LIPC: variants seen among roughly 807,000 people sequenced by gnomAD.
The protein encoded by LIPC is hepatic triacylglycerol lipase.
Under a neutral mutation model 50.7 loss-of-function variants are expected in LIPC, and 44 were observed. The observed-to-expected ratio is 0.87, with a 90% CI of 0.68 to 1.11. The LOEUF (loss-of-function observed/expected upper bound fraction) is 1.11, where lower values mean the gene tolerates loss of function less well. Ranked by LOEUF, LIPC falls within the 50% of genes most tolerant of loss-of-function variation. The probability of loss-of-function intolerance (pLI) is 0.00; values close to 1 mark genes in which losing one functional copy is unlikely to be tolerated. For synonymous variants in LIPC, 271 were observed against 256.4 expected, an observed-to-expected ratio of 1.06 and a Z score of -0.54; for missense variants, 697 against 648.2, an observed-to-expected ratio of 1.08 and a Z score of -0.82.
chr15:58,435,601 G>C (rs1419876670), intron 1 of LIPC: 2 of 152,216 alleles, frequency 1.3e-5, no homozygotes, highest in Non-Finnish European at 2.9e-5. Flanking sequence ...TGATCTGCCT[G>C]TCATTATCAC....
intron 1 of LIPC, among the ~76,000 whole-genome samples, chr15:58,446,362 T>C (rs1238866909): frequency 2.0e-5 from 3 of 152,072 alleles, no homozygotes; most frequent in Non-Finnish European, 2.9e-5. Flanking sequence ...CTAAGGACAT[T>C]CTCCTACATA....
At chr15:58,550,184 C>T (rs1203570828) in intron 6 of LIPC, among the ~76,000 whole-genome samples, 1 of 152,118 alleles carries the variant, frequency 6.6e-6, no homozygotes, top group Non-Finnish European at 1.5e-5. Flanking sequence ...ACTCCTAAAC[C>T]TGCCGCTGGT....
At chr15:58,473,061 G>T (rs574767623) in intron 1 of LIPC, among the ~76,000 whole-genome samples, 1 of 152,286 alleles carries the variant, frequency 6.6e-6, no homozygotes, top group Admixed American at 6.5e-5. Context: ...TGGGGAGGGG[G>T]AGGACGGCAG....
intron 8 of LIPC, among the ~76,000 whole-genome samples, chr15:58,567,327 A>G (rs796123023): frequency 0.011 from 229 of 20,992 alleles, 4 homozygotes; most frequent in African/African-American, 0.031. Context: ...ATATGTGTAT[A>G]TATATATATA....
chr15:58,489,222 G>A lies in LIPC; in HGVS notation c.89-49111G>A, dbSNP rs936115910. 2.7e-4 allele frequency among the ~76,000 whole-genome samples: 25 copies of A among 93,102 alleles called. 7 individuals are homozygous for A. Among genetic ancestry groups the A allele is most frequent in the South Asian group, 1.7e-3 (5 of 2,902 alleles). 61.1% of individuals were successfully genotyped at this position (93,102 alleles called of 152,430 possible). On this transcript the variant is annotated intron_variant, in intron 1 of 8. Transcript: ENST00000299022. Reference sequence around the variant, plus strand: ...ATTAGGGATTCATTTTGTTGCGGGGGCGGGGGGGCGGCTTACAAGCTTCCC... The same window carrying A: ...ATTAGGGATTCATTTTGTTGCGGGGACGGGGGGGCGGCTTACAAGCTTCCC...
intron 1 of LIPC, among the ~76,000 whole-genome samples, chr15:58,525,902 A>T (rs1247560187): frequency 2.0e-5 from 3 of 152,226 alleles, no homozygotes; most frequent in African/African-American, 7.2e-5. Flanking sequence ...CACCAGGGCC[A>T]CCTTTATTCA....
intron 1 of LIPC, among the ~76,000 whole-genome samples, chr15:58,471,344 C>T (rs558201110): frequency 8.8e-5 from 12 of 136,584 alleles, no homozygotes; most frequent in Admixed American, 3.8e-4. Flanking sequence ...GGGGTGGTCT[C>T]ACCATGTTGG....
chr15:58,483,423 T>C (rs1385116654), intron 1 of LIPC, among the ~76,000 whole-genome samples: 1 of 152,202 alleles, frequency 6.6e-6, no homozygotes, highest in African/African-American at 2.4e-5. Context: ...CCCTGCAGTT[T>C]ACAAAGTGAT....
At chr15:58,493,480 TA>T (rs60152507) in intron 1 of LIPC, among the ~76,000 whole-genome samples, 29,714 of 146,772 alleles carry the variant, frequency 0.2, 4,044 homozygotes, top group South Asian at 0.28. Context: ...AATATATATA[TA>T]TTTTTTTGTG....
At chr15:58,538,012 G>A (rs1893192380) in intron 1 of LIPC, among the ~76,000 whole-genome samples, 1 of 152,122 alleles carries the variant, frequency 6.6e-6, no homozygotes. Context: ...TTTGGGGTGA[G>A]GTGCTTATCC....
rs566989535 is a variant in LIPC at position 58,482,019 on chromosome 15, G to T, written c.88+49899G>T. The stretch of plus-strand genomic sequence containing the variant: ...GGGAAAGAGCCTGGGGTCAGAAGCA[G>T]GAGGAGACTTGTCACTATATTCGGT... On this transcript the variant is annotated intron_variant, in intron 1 of 8. Coordinates refer to ENST00000299022, the MANE Select transcript of LIPC (RefSeq NM_000236.3). Among the ~76,000 whole-genome samples the T allele has an allele frequency of 5.3e-5, 8 of 152,322 alleles. 1 individual carries two copies. Among genetic ancestry groups the T allele is most frequent in the African/African-American group, 1.9e-4 (8 of 41,574 alleles).
chr15:58,492,927 T>G (rs1429956381), intron 1 of LIPC, among the ~76,000 whole-genome samples: 1 of 152,062 alleles, frequency 6.6e-6, no homozygotes, highest in African/African-American at 2.4e-5. Context: ...GAGCTTATTT[T>G]CCCCCGTATG....
At chr15:58,486,854 C>T (rs1891393983) in intron 1 of LIPC, among the ~76,000 whole-genome samples, 1 of 152,176 alleles carries the variant, frequency 6.6e-6, no homozygotes, top group African/African-American at 2.4e-5. Flanking sequence ...ACTATAGGTG[C>T]TTGGCAAACA....
rs776615269 is a variant in LIPC, at chr15:58,563,576, T to C, written c.1241T>C (p.Ile414Thr). ...ITLDVDIGEL[I>T]MIKFKWENSA... Reference sequence around the variant, plus strand: ...CTGGATGTGGATATCGGCGAGCTGATCATGATCAAGTTCAAGTGGGAAAAC... The same window carrying C: ...CTGGATGTGGATATCGGCGAGCTGACCATGATCAAGTTCAAGTGGGAAAAC... Residue 414 changes from isoleucine to threonine, a missense_variant, in exon 8 of 9, where the codon ATC becomes ACC. Coordinates refer to ENST00000299022, the MANE Select transcript of LIPC (RefSeq NM_000236.3). 7 of 1,614,054 alleles carry C rather than the reference T, an allele frequency of 4.3e-6. No individual in the cohort carries two copies. The Admixed American group carries it at 6.7e-5, about 15-fold the overall frequency.
At chr15:58,498,067 G>A (rs576578475) in intron 1 of LIPC, among the ~76,000 whole-genome samples, 1 of 152,110 alleles carries the variant, frequency 6.6e-6, no homozygotes, top group South Asian at 2.1e-4. Context: ...TTTAATAAGA[G>A]CTGAAGGATC....
intron 1 of LIPC, among the ~76,000 whole-genome samples, chr15:58,478,512 T>C (rs1323283770): frequency 6.6e-6 from 1 of 152,182 alleles, no homozygotes; most frequent in African/African-American, 2.4e-5. Flanking sequence ...AGTGCTAGGA[T>C]TATAAGCATG....
chr15:58,441,004 AG>A (rs771094364), intron 1 of LIPC, among the ~76,000 whole-genome samples: 1 of 152,136 alleles, frequency 6.6e-6, no homozygotes, highest in Non-Finnish European at 1.5e-5. Context: ...ACCACTGATG[AG>A]GGGGGTTGTT....
intron 1 of LIPC, among the ~76,000 whole-genome samples, chr15:58,513,516 C>G (rs757257819): frequency 9.2e-5 from 14 of 152,148 alleles, no homozygotes; most frequent in Non-Finnish European, 1.9e-4. Context: ...TGTCCTAACT[C>G]CTGTTAGCCA....
intron 1 of LIPC, among the ~76,000 whole-genome samples, chr15:58,484,222 C>A (rs767314564): frequency 6.6e-6 from 1 of 152,218 alleles, no homozygotes; most frequent in Admixed American, 6.5e-5. Flanking sequence ...CTGCATCATA[C>A]ATTGTTTATT....
Sources: allele counts gnomAD v4.1 joint callset (sites outside exome capture counted in the v4.1 genomes callset), GRCh38; gene constraint gnomAD v4.1.1; transcripts MANE v1.5; gene names NCBI Gene and HGNC (gene_info 2026-07-23, HGNC 2026-07-21).